Variants in STARD3NL observed in about 807,000 individuals in gnomAD.
STARD3NL encodes STARD3 N-terminal like.
A neutral mutation model predicts 30.9 loss-of-function variants in STARD3NL; 17 were observed. The ratio of observed to expected loss-of-function variants is 0.55; its 90% CI spans 0.38 to 0.82. The LOEUF is 0.82. STARD3NL is among the 40% of genes least tolerant of loss of function. STARD3NL has a pLI of 0.00. For missense variants in STARD3NL, 234 were observed against 277.6 expected, an observed-to-expected ratio of 0.84 and a Z score of 1.12; for synonymous variants, 112 against 100.5, an observed-to-expected ratio of 1.11 and a Z score of -0.69.
At chr7:38,189,312 A>C (rs1583776845) in intron 1 of STARD3NL, among the ~76,000 whole-genome samples, 1 of 152,204 alleles carries the variant, frequency 6.6e-6, no homozygotes, top group African/African-American at 2.4e-5. Context: ...GTTACCATGG[A>C]GTTGGGCTGT....
At position 38,207,578 on chromosome 7, in the gene STARD3NL, T is replaced by A; in HGVS notation, c.74T>A (p.Ile25Asn). 6.2e-7 allele frequency: 1 copy of A among 1,614,046 alleles called. No individual in the cohort carries two copies. ...AGCTCCCATGCTTCTCTGCGCAATA[T>A]CCATTCCATCAACCCCACACAACTC... ...SQSSHASLRNIHSINPTQLMA... is the reference protein window; with the variant it reads ...SQSSHASLRNNHSINPTQLMA... Residue 25 changes from isoleucine to asparagine, a missense_variant, in exon 2 of 9, where the codon ATC (isoleucine) becomes AAC (asparagine). Coordinates refer to ENST00000009041, the MANE Select transcript of STARD3NL (RefSeq NM_032016.4).
At chr7:38,208,279 CAT>C (rs563914136) in intron 2 of STARD3NL, among the ~76,000 whole-genome samples, 45 of 152,282 alleles carry the variant, frequency 3.0e-4, no homozygotes, top group Admixed American at 5.9e-4. Context: ...AGATTTTGCA[CAT>C]GTTTGTTCTT....
chr7:38,206,601 G>A (rs1242412924), intron 1 of STARD3NL, among the ~76,000 whole-genome samples: 1 of 152,158 alleles, frequency 6.6e-6, no homozygotes, highest in Non-Finnish European at 1.5e-5. Context: ...TATTGGTCAG[G>A]TGGTTTGCAT....
At chr7:38,209,820 G>A (rs1432819484) in intron 2 of STARD3NL, among the ~76,000 whole-genome samples, 1 of 151,944 alleles carries the variant, frequency 6.6e-6, no homozygotes, top group African/African-American at 2.4e-5. Flanking sequence ...GCTGCCCCCT[G>A]TTCTTGTTCA....
intron 1 of STARD3NL, among the ~76,000 whole-genome samples, chr7:38,198,981 G>A (rs73348650): frequency 0.06 from 9,212 of 152,290 alleles, 919 homozygotes; most frequent in African/African-American, 0.21. Context: ...ATTTGTTAAT[G>A]TAGCATAAAT....
intron 2 of STARD3NL, among the ~76,000 whole-genome samples, chr7:38,213,622 G>C (rs948546466): frequency 1.3e-5 from 2 of 152,050 alleles, no homozygotes; most frequent in Non-Finnish European, 2.9e-5. Context: ...TACCCTGCTT[G>C]GGTGCTGCAT....
At chr7:38,206,467 A>G (rs1785493359) in intron 1 of STARD3NL, among the ~76,000 whole-genome samples, 1 of 152,150 alleles carries the variant, frequency 6.6e-6, no homozygotes. Context: ...ACTTCGTTTA[A>G]TGTCTTTGTC....
chr7:38,187,621 A>G (rs1251053199), intron 1 of STARD3NL, among the ~76,000 whole-genome samples: 2 of 151,562 alleles, frequency 1.3e-5, no homozygotes, highest in African/African-American at 4.8e-5. Context: ...CTACAAATAG[A>G]TACAATTTAT....
At chr7:38,224,109 A>G (rs1244042704) in intron 7 of STARD3NL, among the ~76,000 whole-genome samples, 1 of 151,642 alleles carries the variant, frequency 6.6e-6, no homozygotes, top group Non-Finnish European at 1.5e-5. Flanking sequence ...TTGAGGACCA[A>G]CCATGTTGTA....
At chr7:38,183,052 A>T (rs1019994301) in intron 1 of STARD3NL, among the ~76,000 whole-genome samples, 5 of 152,188 alleles carry the variant, frequency 3.3e-5, no homozygotes, top group Non-Finnish European at 7.3e-5. Flanking sequence ...ATTATTTTTT[A>T]AAATTAAGCA....
intron 2 of STARD3NL, among the ~76,000 whole-genome samples, chr7:38,209,863 C>T (rs1785699540): frequency 6.6e-6 from 1 of 152,158 alleles, no homozygotes. Flanking sequence ...CTGCATGCAA[C>T]GTGTTATAAA....
chr7:38,224,990 G>C (rs1233900262), intron 7 of STARD3NL, among the ~76,000 whole-genome samples: 1 of 152,150 alleles, frequency 6.6e-6, no homozygotes, highest in Admixed American at 6.5e-5. Flanking sequence ...ATGCATTTCA[G>C]TTTCTCCATA....
intron 2 of STARD3NL, among the ~76,000 whole-genome samples, chr7:38,209,280 C>T (rs1024770899): frequency 1.3e-5 from 2 of 151,574 alleles, no homozygotes; most frequent in Non-Finnish European, 1.5e-5. Flanking sequence ...AAAGGAAATG[C>T]GTCTTTTTTT....
At chr7:38,197,140 C>CTTTCTTTCTT (rs1562603429) in intron 1 of STARD3NL, among the ~76,000 whole-genome samples, 1 of 120,708 alleles carries the variant, frequency 8.3e-6, no homozygotes, top group Admixed American at 8.2e-5. Context: ...TACCTTTTTT[C>CTTTCTTTCTT]TTTCTTTCTT....
chr7:38,182,320 A>G (rs938756164), intron 1 of STARD3NL, among the ~76,000 whole-genome samples: 1 of 152,146 alleles, frequency 6.6e-6, no homozygotes, highest in African/African-American at 2.4e-5. Flanking sequence ...TTTGAGAGGA[A>G]CTCATGTCTT....
At chr7:38,227,578 T>G (rs1436755182) in intron 7 of STARD3NL, among the ~76,000 whole-genome samples, 2 of 152,166 alleles carry the variant, frequency 1.3e-5, no homozygotes, top group African/African-American at 4.8e-5. Flanking sequence ...TCTAACAAGG[T>G]TCAGGCGTAG....
chr7:38,213,151 G>T (rs1785906211), intron 2 of STARD3NL, among the ~76,000 whole-genome samples: 1 of 152,136 alleles, frequency 6.6e-6, no homozygotes, highest in South Asian at 2.1e-4. Context: ...AGGCCGCTTG[G>T]AATAATCATT....
intron 1 of STARD3NL, among the ~76,000 whole-genome samples, chr7:38,183,732 T>C (rs1177577440): frequency 6.6e-6 from 1 of 152,196 alleles, no homozygotes; most frequent in African/African-American, 2.4e-5. Flanking sequence ...TGCTGACCCT[T>C]GAATAATACA....
intron 1 of STARD3NL, among the ~76,000 whole-genome samples, chr7:38,181,012 C>T (rs975732712): frequency 2.0e-5 from 3 of 152,112 alleles, no homozygotes; most frequent in Non-Finnish European, 2.9e-5. Flanking sequence ...ATTTATTGTC[C>T]ATAAACTTGT....
Sources: allele counts gnomAD v4.1 joint callset (sites outside exome capture counted in the v4.1 genomes callset), GRCh38; gene constraint gnomAD v4.1.1; transcripts MANE v1.5; gene names NCBI Gene and HGNC (gene_info 2026-07-23, HGNC 2026-07-21).